C5: variants seen among roughly 807,000 people sequenced by gnomAD.
C5 encodes complement C5.
A neutral mutation model predicts 218.8 loss-of-function variants in C5; 140 were observed. That is an observed-to-expected ratio of 0.64 (90% confidence interval 0.56 to 0.74). The LOEUF is 0.74. Ranked by LOEUF, C5 falls within the 30% of genes least tolerant of loss-of-function variation. The pLI, the probability that C5 is intolerant of heterozygous loss-of-function variation, is 0.00. For missense variants in C5, 1,700 were observed against 1,969.6 expected (o/e 0.86, Z 2.59); for synonymous variants, 614 against 682.3 (o/e 0.90, Z 1.56).
upstream of C5, among the ~76,000 whole-genome samples, chr9:121,053,129 T>C (rs552646984): frequency 3.3e-5 from 5 of 152,208 alleles, no homozygotes; most frequent in Non-Finnish European, 7.3e-5. Flanking sequence ...GCCTGTTCCA[T>C]GTCCAGAGGC....
At chr9:121,019,872 CT>C in intron 12 of C5, 103 bp downstream of exon 12, 1 of 749,450 alleles carries the variant, frequency 1.3e-6, no homozygotes, top group Non-Finnish European at 2.3e-6. Flanking sequence ...CTTGAAAGTG[CT>C]TTGGGAATAA....
rs1371094875 is a variant in C5, at chr9:121,001,700, GTTTA to G, written c.2563-3930_2563-3927del. Among the ~76,000 whole-genome samples, 3 of 152,174 alleles carry G rather than the reference GTTTA, an allele frequency of 2.0e-5. No individual in the cohort carries two copies. The East Asian group carries it at 5.8e-4, about 29-fold the overall frequency. ...TCATTGTATGAATAAAAGAAAAAAT[GTTTA>G]TTCCCCCAAATTATAAGAATGTGAG... is the stretch of plus-strand genomic sequence containing the variant. On this transcript the variant is annotated intron_variant, in intron 20 of 40. Transcript: ENST00000223642.
intron 17 of C5, among the ~76,000 whole-genome samples, chr9:121,013,242 C>T (rs1266499325): frequency 6.6e-6 from 1 of 150,764 alleles, no homozygotes; most frequent in Non-Finnish European, 1.5e-5. Flanking sequence ...ATCGCTTGAA[C>T]CCAGAGGCAG....
At chr9:121,021,790 A>G (rs1211809347) in intron 10 of C5, 96 bp from the exon 11 acceptor site, 2 of 1,134,822 alleles carry the variant, frequency 1.8e-6, no homozygotes, top group East Asian at 4.7e-5. Flanking sequence ...ACCAAAGTAT[A>G]AATTATTTAT....
At chr9:121,035,396 T>C (rs1322535331) in intron 4 of C5, among the ~76,000 whole-genome samples, 1 of 152,210 alleles carries the variant, frequency 6.6e-6, no homozygotes, top group Admixed American at 6.5e-5. Context: ...AACTCTCAAA[T>C]GGTTAAACAA....
chr9:120,997,051 T>C (rs1193943796), intron 21 of C5, among the ~76,000 whole-genome samples: 2 of 152,136 alleles, frequency 1.3e-5, no homozygotes, highest in Non-Finnish European at 2.9e-5. Flanking sequence ...GACTGTTTAT[T>C]TGTTTATACA....
At chr9:121,018,578 A>AAAGGAAGGAAGGAAGG (rs56204327) in intron 12 of C5, among the ~76,000 whole-genome samples, 4 of 80,802 alleles carry the variant, frequency 5.0e-5, no homozygotes, top group Admixed American at 1.5e-4. Context: ...CACCAAAAAG[A>AAAGGAAGGAAGGAAGG]AAGGAAGGAA....
chr9:120,992,245 TTC>T (rs1484380027), intron 22 of C5, among the ~76,000 whole-genome samples: 1 of 152,248 alleles, frequency 6.6e-6, no homozygotes, highest in African/African-American at 2.4e-5. Flanking sequence ...CTCATAAAAC[TTC>T]TTTCTTCATT....
intron 8 of C5, 26 bp from the exon 9 acceptor site, chr9:121,025,606 G>C: frequency 6.2e-7 from 1 of 1,606,112 alleles, no homozygotes; most frequent in South Asian, 1.1e-5. Flanking sequence ...AAAAGGAGGA[G>C]TTATTTCGGA....
intron 16 of C5, among the ~76,000 whole-genome samples, chr9:121,014,778 T>C (rs545034187): frequency 3.8e-4 from 58 of 152,160 alleles, no homozygotes; most frequent in Non-Finnish European, 6.5e-4. Context: ...TCTCACAAGA[T>C]GTATTTTCCA....
Position 121,006,066 on chromosome 9 carries a change from C to G in C5, c.2423-8G>C. The G allele has an allele frequency of 6.2e-7, 1 of 1,613,442 alleles. No homozygotes were observed. Among genetic ancestry groups the G allele is most frequent in the Non-Finnish European group, 8.5e-7 (1 of 1,179,630 alleles). ...TATCAGCAACACATATACCTTCAGC[C>G]CAAAGTGGAAGCAAAGTAGAATCAT... On this transcript the variant is annotated splice_polypyrimidine_tract_variant and splice_region_variant and intron_variant, in intron 19 of 40. Coordinates refer to ENST00000223642, the MANE Select transcript of C5 (RefSeq NM_001735.3).
At position 121,025,451 on chromosome 9, in the gene C5, T is replaced by A. The variant is rs201121361; in HGVS notation, c.1000+3A>T. On this transcript the variant is annotated splice_donor_region_variant and intron_variant, in intron 9 of 40. Transcript: ENST00000223642. The stretch of plus-strand genomic sequence containing the variant: ...ACACACACACACACACACACACACT[T>A]ACCTGTAGACTCTATGACTGTTACA... 9.6e-7 allele frequency: 1 copy of A among 1,039,302 alleles called. No homozygotes were observed. The highest frequency in any genetic ancestry group is 1.3e-6 in the Non-Finnish European group (1 of 772,006). The allele number at this position is 1,039,302 out of a possible 1,614,324, so 64.4% of individuals were successfully genotyped here.
rs185137339 is a variant in C5, at chr9:121,038,265, A to T, written c.422-314T>A. On this transcript the variant is annotated intron_variant, in intron 3 of 40. Transcript: ENST00000223642. ...ACAGTATGAAATTAATTACATCTGTAATTAGGCCATTATTTATTAAGAATT... is the reference window on the plus strand; with the variant it reads ...ACAGTATGAAATTAATTACATCTGTTATTAGGCCATTATTTATTAAGAATT... Among the ~76,000 whole-genome samples, 190 of 152,334 alleles carry T rather than the reference A, an allele frequency of 1.2e-3. 1 individual carries two copies. The highest frequency in any genetic ancestry group is 2.1e-3 in the South Asian group (10 of 4,830).
chr9:121,067,839 C>T, the C5 span, among the ~76,000 whole-genome samples: 11 of 152,208 alleles, frequency 7.2e-5, no homozygotes, highest in South Asian at 2.1e-4. Flanking sequence ...CTTTGCCTTC[C>T]ACCATAATTT....
At chr9:121,019,023 A>G (rs2047340953) in intron 12 of C5, among the ~76,000 whole-genome samples, 2 of 152,122 alleles carry the variant, frequency 1.3e-5, no homozygotes, top group Non-Finnish European at 2.9e-5. Flanking sequence ...AAGTCATCAC[A>G]CTGTCACTAA....
intron 4 of C5, among the ~76,000 whole-genome samples, chr9:121,036,613 AC>A (rs1328118899): frequency 5.0e-5 from 2 of 40,290 alleles, no homozygotes; most frequent in Non-Finnish European, 1.7e-4. Context: ...CTTAACTCAC[AC>A]TGTTTCTTAC....
chr9:121,074,829 C>T, the C5 span: 10 of 456,208 alleles, frequency 2.2e-5, no homozygotes, highest in Admixed American at 7.0e-5. Context: ...CCCAAGACTC[C>T]CCGGCATCCT....
intron 40 of C5, among the ~76,000 whole-genome samples, chr9:120,953,217 C>A (rs2046759171): frequency 6.6e-6 from 1 of 152,146 alleles, no homozygotes; most frequent in Non-Finnish European, 1.5e-5. Context: ...AGCCACCGTG[C>A]CCAGCCTGAT....
At chr9:120,970,085 C>T (rs1182750313) in intron 32 of C5, 85 bp downstream of exon 32, 3 of 940,282 alleles carry the variant, frequency 3.2e-6, no homozygotes, top group Non-Finnish European at 5.1e-6. Context: ...TGAGTAAGCA[C>T]ATTTTTACTA....
Sources: gnomAD v4.1 joint callset for allele counts (sites outside exome capture counted in the v4.1 genomes callset) on GRCh38, gnomAD v4.1.1 for gene constraint, MANE v1.5 for transcripts, NCBI Gene and HGNC (gene_info 2026-07-23, HGNC 2026-07-21) for gene names.